The following TRIM67 variants were observed in gnomAD, a reference collection of about 807,000 sequenced individuals.
The protein encoded by TRIM67 is tripartite motif containing 67, also known as tripartite motif-containing protein 67.
Under a neutral mutation model 71.0 loss-of-function variants are expected in TRIM67, and 39 were observed. The ratio of observed to expected loss-of-function variants is 0.55; its 90% confidence interval spans 0.43 to 0.72. TRIM67 has a LOEUF of 0.72. Ranked by LOEUF, TRIM67 falls within the 30% of genes least tolerant of loss-of-function variation. TRIM67 has a pLI of 0.00. For synonymous variants in TRIM67, 481 were observed against 473.9 expected (o/e 1.01, Z -0.19); for missense variants, 973 against 1,079.2 (o/e 0.90, Z 1.38).
chr1:231,192,445 C>A lies in TRIM67; in HGVS notation c.1045-4926C>A, dbSNP rs1487764043. On this transcript the variant is annotated intron_variant, in intron 1 of 9. Transcript: ENST00000366653. ...TCCTCCCACCCCGGCCTCCCAAAGTCCTGGGATTACAGGTATGAGCCACTG... is the reference window on the plus strand; with the variant it reads ...TCCTCCCACCCCGGCCTCCCAAAGTACTGGGATTACAGGTATGAGCCACTG... Among the ~76,000 whole-genome samples, 3 of 152,112 alleles carry A rather than the reference C, an allele frequency of 2.0e-5. No homozygotes were observed. In the East Asian group the frequency reaches 5.8e-4, roughly 29 times the overall value.
At position 231,169,364 on chromosome 1, in the gene TRIM67, T is replaced by TTC. The variant is rs1382430109; in HGVS notation, c.1044+5355_1044+5356dup. 2.3e-3 allele frequency among the ~76,000 whole-genome samples: 317 copies of TTC among 138,510 alleles called. 15 individuals are homozygous for TTC. The highest frequency in any genetic ancestry group is 9.1e-3 in the East Asian group (40 of 4,402). 90.9% of individuals were successfully genotyped at this position (138,510 alleles called of 152,430 possible). Reference sequence around the variant, plus strand: ...GCCACTGCACCAGCCTTCGATTCTTTTCTCTTTTTTTTTTTTTTTTTTTTT... The same window carrying TTC: ...GCCACTGCACCAGCCTTCGATTCTTTTCTCTCTTTTTTTTTTTTTTTTTTTTT... On this transcript the variant is annotated intron_variant, in intron 1 of 9. Transcript: ENST00000366653.
At position 231,218,980 on chromosome 1, in the gene TRIM67, C is replaced by T. The variant is rs376842779; in HGVS notation, c.*3540C>T. The T allele has an allele frequency of 1.0e-6, 1 of 985,352 alleles. No individual in the cohort carries two copies. Among genetic ancestry groups the T allele is most frequent in the Non-Finnish European group, 1.2e-6 (1 of 829,952 alleles). The allele number at this position is 985,352 out of a possible 1,614,324, so 61.0% of individuals were successfully genotyped here. A position where few individuals can be genotyped will look rare whatever the true frequency, so the allele number is the denominator to read the frequency against. ...GGATATTTGCATTTAAGCCTTAATT[C>T]TCATTGCAAGCGAAAGGCTTGGTCC... On this transcript the variant is annotated 3_prime_UTR_variant, in exon 10 of 10. Transcript: ENST00000366653.
chr1:231,187,391 T>A, intron 1 of TRIM67: 1 of 895,178 alleles, frequency 1.1e-6, no homozygotes, highest in Middle Eastern at 3.5e-4. Context: ...CCTCTACCTT[T>A]TAATTTTTTT....
chr1:231,218,042 CCT>C lies in TRIM67; in HGVS notation c.*2606_*2607del. 2.6e-6 allele frequency: 3 copies of C among 1,171,694 alleles called. No individual in the cohort carries two copies. Among genetic ancestry groups the C allele is most frequent in the Non-Finnish European group, 3.2e-6 (3 of 930,938 alleles). The allele number at this position is 1,171,694 out of a possible 1,614,324, so 72.6% of individuals were successfully genotyped here. ...AGCATCCAGCTCTCCTTCACAGACA[CCT>C]CTCCTGTCTTCAGCACAAAACACCT... is the stretch of plus-strand genomic sequence containing the variant. On this transcript the variant is annotated 3_prime_UTR_variant, in exon 10 of 10. Coordinates refer to ENST00000366653, the MANE Select transcript of TRIM67 (RefSeq NM_001004342.5).
At chr1:231,188,207 G>C (rs1289162081) in intron 1 of TRIM67, among the ~76,000 whole-genome samples, 1 of 152,160 alleles carries the variant, frequency 6.6e-6, no homozygotes, top group East Asian at 1.9e-4. Context: ...TGTGGGACAG[G>C]AGCAGGAGGA....
chr1:231,185,581 T>C (rs888045956), intron 1 of TRIM67, among the ~76,000 whole-genome samples: 1 of 151,752 alleles, frequency 6.6e-6, no homozygotes, highest in African/African-American at 2.4e-5. Flanking sequence ...GACCTTTGCC[T>C]AGGGGAGCCC....
chr1:231,203,951 C>A lies in TRIM67; in HGVS notation c.1619C>A (p.Thr540Asn). ...CTGGCCTGGAGGATGCCACCCTTCACCCACAGCCCCGTGGACGGCTACATC... is the reference window on the plus strand; with the variant it reads ...CTGGCCTGGAGGATGCCACCCTTCAACCACAGCCCCGTGGACGGCTACATC... Reference protein sequence around the residue: ...VTLAWRMPPFTHSPVDGYILE... With the variant: ...VTLAWRMPPFNHSPVDGYILE... Residue 540 changes from threonine (T) to asparagine (N), a missense_variant, in exon 6 of 10, where the codon ACC becomes AAC. This residue lies in a region of TRIM67 where 795 missense variants were observed against 831.3 expected (regional missense o/e 0.96). Transcript: ENST00000366653. 1 of 1,614,002 alleles carries A rather than the reference C, an allele frequency of 6.2e-7. No individual in the cohort carries two copies. Among genetic ancestry groups the A allele is most frequent in the South Asian group, 1.1e-5 (1 of 91,078 alleles).
At chr1:231,185,135 G>A (rs1683031447) in intron 1 of TRIM67, 1 of 1,532,802 alleles carries the variant, frequency 6.5e-7, no homozygotes, top group Admixed American at 2.0e-5. Context: ...CTGGCTCAAT[G>A]GGAAGTGTGT....
chr1:231,208,971 A>C lies in TRIM67; in HGVS notation c.1844A>C (p.Asn615Thr), dbSNP rs776710621. The C allele has an allele frequency of 6.3e-7, 1 of 1,595,624 alleles. No individual in the cohort carries two copies. Residue 615 changes from asparagine to threonine, a missense_variant, in exon 8 of 10, where the codon AAC (asparagine) becomes ACC (threonine). Asn to Thr is a moderately conservative substitution (Grantham distance 65). Around this residue, in one of 2 missense-constraint regions of TRIM67, gnomAD observed 178 missense variants for 247.9 expected, o/e 0.72. Transcript: ENST00000366653. ...SDVAWFTFDP[N>T]SGHRDIILSN... ...GTGGCCTGGTTCACATTTGACCCCAACTCTGGGCATCGGGACATCATTTTA... is the reference window on the plus strand; with the variant it reads ...GTGGCCTGGTTCACATTTGACCCCACCTCTGGGCATCGGGACATCATTTTA...
rs529864670 is a variant in TRIM67 at position 231,219,624 on chromosome 1, G to A, written c.*4184G>A. On this transcript the variant is annotated 3_prime_UTR_variant, in exon 10 of 10. Transcript: ENST00000366653. ...CCCCACTTCCTAGAAAGCAAAACTC[G>A]TTACCTTTGTTTTCCTTGGCCACAT... The A allele has an allele frequency of 2.2e-5, 25 of 1,140,752 alleles. No individual in the cohort carries two copies. The highest frequency in any genetic ancestry group is 2.1e-4 in the South Asian group (11 of 52,438). The allele number at this position is 1,140,752 out of a possible 1,614,324, so 70.7% of individuals were successfully genotyped here.
Position 231,218,292 on chromosome 1 carries a change from A to G in TRIM67, c.*2852A>G, listed in dbSNP as rs547501487. 6.1e-6 allele frequency: 6 copies of G among 986,702 alleles called. No individual in the cohort carries two copies. The East Asian group carries it at 3.4e-4, about 56-fold the overall frequency. 61.1% of individuals were successfully genotyped at this position (986,702 alleles called of 1,614,324 possible). ...TTGTACATACATATAAATGATATCA[A>G]GATGAGGCTTTTGTTGGGCTGGCTG... On this transcript the variant is annotated 3_prime_UTR_variant, in exon 10 of 10. Coordinates refer to ENST00000366653, the MANE Select transcript of TRIM67 (RefSeq NM_001004342.5).
chr1:231,170,220 A>G (rs1005643817), intron 1 of TRIM67, among the ~76,000 whole-genome samples: 1 of 152,116 alleles, frequency 6.6e-6, no homozygotes, highest in Non-Finnish European at 1.5e-5. Flanking sequence ...TCCCAACCTC[A>G]GGTGATCCGC....
chr1:231,179,523 G>T (rs1373545610), intron 1 of TRIM67, among the ~76,000 whole-genome samples: 2 of 152,084 alleles, frequency 1.3e-5, no homozygotes, highest in Non-Finnish European at 2.9e-5. Flanking sequence ...ATGTCACAGT[G>T]GTCGTTAACC....
chr1:231,216,309 C>G lies in TRIM67; in HGVS notation c.*869C>G. On this transcript the variant is annotated 3_prime_UTR_variant, in exon 10 of 10. Coordinates refer to ENST00000366653, the MANE Select transcript of TRIM67 (RefSeq NM_001004342.5). Reference sequence around the variant, plus strand: ...TCTCTCTCTCTCACACACACACAGGCATGACAGTCTCCTAAAATTAATTCA... The same window carrying G: ...TCTCTCTCTCTCACACACACACAGGGATGACAGTCTCCTAAAATTAATTCA... 5.1e-6 allele frequency: 5 copies of G among 985,306 alleles called. No homozygotes were observed. Among genetic ancestry groups the G allele is most frequent in the Non-Finnish European group, 6.0e-6 (5 of 829,858 alleles). The allele number at this position is 985,306 out of a possible 1,614,324, so 61.0% of individuals were successfully genotyped here.
intron 1 of TRIM67, among the ~76,000 whole-genome samples, chr1:231,170,005 A>G (rs1465633664): frequency 2.0e-5 from 2 of 101,228 alleles, no homozygotes; most frequent in African/African-American, 1.4e-4. Context: ...TTTTTTTTTG[A>G]GTTGGAGTTT....
intron 1 of TRIM67, chr1:231,186,076 C>G (rs1182811712): frequency 6.5e-7 from 1 of 1,532,906 alleles, no homozygotes; most frequent in South Asian, 1.2e-5. Flanking sequence ...CAGAACTCAC[C>G]TCTCTCCTGA....
chr1:231,215,904 C>G lies in TRIM67; in HGVS notation c.*464C>G. On this transcript the variant is annotated 3_prime_UTR_variant, in exon 10 of 10. Transcript: ENST00000366653. ...TGGGGACCTTGCCTCCTCAGAGTCC[C>G]GAGATTGCAGATTCTCATCATGCTG... 2.0e-6 allele frequency: 2 copies of G among 991,820 alleles called. No individual in the cohort carries two copies. The allele number at this position is 991,820 out of a possible 1,614,324, so 61.4% of individuals were successfully genotyped here.
Position 231,206,693 on chromosome 1 carries a change from T to A in TRIM67, c.1722T>A (p.Gly574=). The A allele has an allele frequency of 6.2e-7, 1 of 1,611,324 alleles. No individual in the cohort carries two copies. The highest frequency in any genetic ancestry group is 8.5e-7 in the Non-Finnish European group (1 of 1,178,862). The change falls in exon 7 of 10, where the codon GGT becomes GGA. Residue 574 remains glycine (G), a synonymous_variant. Transcript: ENST00000366653. Reference sequence around the variant, plus strand: ...AGGAGACTTTGTGTACCATCGACGGTCTTCACTTCAACAGCACCTACAACG... The same window carrying A: ...AGGAGACTTTGTGTACCATCGACGGACTTCACTTCAACAGCACCTACAACG... ...VGKETLCTID[G]LHFNSTYNAR...
intron 1 of TRIM67, among the ~76,000 whole-genome samples, chr1:231,190,907 T>G (rs181816519): frequency 5.8e-4 from 89 of 152,300 alleles, no homozygotes; most frequent in Non-Finnish European, 1.0e-3. Flanking sequence ...CCTCCCTCTC[T>G]CATCCCTGTG....
Sources: gnomAD v4.1 joint callset for allele counts (sites outside exome capture counted in the v4.1 genomes callset) on GRCh38, gnomAD v4.1.1 for gene constraint, gnomAD v4.1.1 regional missense constraint, MANE v1.5 for transcripts, NCBI Gene and HGNC (gene_info 2026-07-23, HGNC 2026-07-21) for gene names.